ADARB1: variants seen among roughly 807,000 people sequenced by gnomAD.
ADARB1 encodes the protein double-stranded RNA-specific editase 1.
In ADARB1, 10 loss-of-function variants were observed where a neutral mutation model predicts 52.4. The ratio of observed to expected loss-of-function variants is 0.19; its 90% confidence interval spans 0.12 to 0.32. The LOEUF (loss-of-function observed/expected upper bound fraction) is 0.32. Ranked by LOEUF, ADARB1 falls within the 10% of genes least tolerant of loss-of-function variation. The pLI, the probability that ADARB1 is intolerant of heterozygous loss-of-function variation, is 1.00. For missense variants in ADARB1, 643 were observed against 922.3 expected, an observed-to-expected ratio of 0.70 and a Z score of 3.92; for synonymous variants, 349 against 371.1, an observed-to-expected ratio of 0.94 and a Z score of 0.68.
chr21:45,143,381 C>T (rs1263463041), intron 2 of ADARB1, among the ~76,000 whole-genome samples: 1 of 152,246 alleles, frequency 6.6e-6, no homozygotes, highest in Non-Finnish European at 1.5e-5. Context: ...GCAGCTCCTT[C>T]CTTCCAGGCT....
chr21:45,176,098 C>T lies in ADARB1; in HGVS notation c.397C>T (p.His133Tyr), dbSNP rs771605100. The change falls in exon 4 of 11, where the codon CAT becomes TAT. Residue 133 changes from histidine to tyrosine, a missense_variant. This residue lies in a region of ADARB1 where 380 missense variants were observed against 446.5 expected (regional missense o/e 0.85). Transcript: ENST00000348831. This position sits in a 1 kb window ranked among gnomAD's most constrained non-coding sequence, Gnocchi z 5.8. Reference sequence around the variant, plus strand: ...TCCCACAAAGAAAAAGGCAAAACTCCATGCTGCTGAGAAGGCCTTGAGGTC... The same window carrying T: ...TCCCACAAAGAAAAAGGCAAAACTCTATGCTGCTGAGAAGGCCTTGAGGTC... ...SGPTKKKAKL[H>Y]AAEKALRSFV... 2.5e-6 allele frequency: 4 copies of T among 1,613,832 alleles called. No homozygotes were observed. The African/African-American group carries it at 5.3e-5, about 22-fold the overall frequency.
intron 8 of ADARB1, among the ~76,000 whole-genome samples, chr21:45,199,181 C>T (rs540886181): frequency 6.6e-6 from 1 of 152,296 alleles, no homozygotes; most frequent in East Asian, 1.9e-4. Flanking sequence ...CTGGTGGCTC[C>T]ATGGTCTGGA....
chr21:45,095,684 G>C (rs559257999), intron 1 of ADARB1, among the ~76,000 whole-genome samples: 1 of 152,170 alleles, frequency 6.6e-6, no homozygotes, highest in Non-Finnish European at 1.5e-5. Flanking sequence ...GCTGAGAGGT[G>C]GTGAGGCAGG....
chr21:45,184,790 T>C, intron 7 of ADARB1, 133 bp from the exon 8 acceptor site: 2 of 1,020,184 alleles, frequency 2.0e-6, no homozygotes, highest in Non-Finnish European at 2.9e-6. Flanking sequence ...GTATTTTGTA[T>C]GTATGGCATA....
intron 1 of ADARB1, among the ~76,000 whole-genome samples, chr21:45,094,244 A>G (rs1014830259): frequency 1.3e-5 from 2 of 152,136 alleles, no homozygotes; most frequent in South Asian, 2.1e-4. Flanking sequence ...CGTGTACCCA[A>G]TTAGAGCTCT....
intron 2 of ADARB1, among the ~76,000 whole-genome samples, chr21:45,132,978 C>A (rs572368080): frequency 6.6e-6 from 1 of 152,332 alleles, no homozygotes; most frequent in African/African-American, 2.4e-5. Flanking sequence ...GTCAGCGTTT[C>A]CCTGCCAGCT....
chr21:45,192,867 C>T (rs532622696), intron 8 of ADARB1, among the ~76,000 whole-genome samples: 5 of 152,226 alleles, frequency 3.3e-5, no homozygotes, highest in Admixed American at 3.3e-4. Context: ...ACACATACTA[C>T]CAAAGCTCAC....
At chr21:45,134,008 G>T (rs530539651) in intron 2 of ADARB1, among the ~76,000 whole-genome samples, 2 of 131,820 alleles carry the variant, frequency 1.5e-5, no homozygotes, top group Non-Finnish European at 3.2e-5. Context: ...CGCCCGACGG[G>T]TGTGTGTGCC....
intron 1 of ADARB1, among the ~76,000 whole-genome samples, chr21:45,118,110 A>G (rs2087932342): frequency 1.3e-5 from 2 of 152,252 alleles, no homozygotes; most frequent in East Asian, 1.9e-4. Context: ...TTATGATAGT[A>G]TATTTTGCCA....
intron 2 of ADARB1, among the ~76,000 whole-genome samples, chr21:45,140,115 G>C (rs767551534): frequency 6.6e-6 from 1 of 151,652 alleles, no homozygotes; most frequent in Admixed American, 6.6e-5. Flanking sequence ...GGCTAATTTT[G>C]TATTTTTAGT....
rs115131842 is a variant in ADARB1 at position 45,123,377 on chromosome 21, C to T, written c.-219-5025C>T. Among the ~76,000 whole-genome samples, 792 of 152,266 alleles carry T rather than the reference C, an allele frequency of 5.2e-3. 6 individuals are homozygous for T. The highest frequency in any genetic ancestry group is 0.018 in the African/African-American group (758 of 41,546). ...AGAATGCAGTGGTGTGATCACAGTTCTCTGCAGTCTCAACTTCCTAGGCAT... is the reference window on the plus strand; with the variant it reads ...AGAATGCAGTGGTGTGATCACAGTTTTCTGCAGTCTCAACTTCCTAGGCAT... On this transcript the variant is annotated intron_variant, in intron 1 of 10. Coordinates refer to ENST00000348831, the MANE Select transcript of ADARB1 (RefSeq NM_001112.4).
At chr21:45,175,245 A>G (rs1029645783) in intron 3 of ADARB1, among the ~76,000 whole-genome samples, 27 of 152,208 alleles carry the variant, frequency 1.8e-4, no homozygotes, top group African/African-American at 6.3e-4. Flanking sequence ...CTTCTGAGAG[A>G]CGCTGCAATT....
chr21:45,103,708 A>G (rs387536), intron 1 of ADARB1, among the ~76,000 whole-genome samples: 145,349 of 152,188 alleles, frequency 0.96, 69,439 homozygotes, highest in East Asian at 0.98. Flanking sequence ...GTATTAAACC[A>G]TGCTCATGTA....
chr21:45,216,115 G>C (rs1224745527), intron 9 of ADARB1, among the ~76,000 whole-genome samples: 3 of 152,036 alleles, frequency 2.0e-5, no homozygotes, highest in African/African-American at 7.2e-5. Flanking sequence ...TGGCATAAAA[G>C]CATTCAGAAT....
intron 1 of ADARB1, among the ~76,000 whole-genome samples, chr21:45,099,274 C>T (rs188488125): frequency 1.3e-5 from 2 of 152,272 alleles, no homozygotes; most frequent in East Asian, 3.9e-4. Flanking sequence ...TTTCATTATT[C>T]CTTTAATGAA....
intron 8 of ADARB1, among the ~76,000 whole-genome samples, chr21:45,196,776 A>C (rs1413056981): frequency 6.6e-6 from 1 of 152,252 alleles, no homozygotes; most frequent in Non-Finnish European, 1.5e-5. Flanking sequence ...GAGATGCCAC[A>C]ACACATCTCT....
At position 45,176,138 on chromosome 21, in the gene ADARB1, C is replaced by T; in HGVS notation, c.437C>T (p.Pro146Leu). The part of the protein sequence containing the change: ...EKALRSFVQF[P>L]NASEAHLAMG... ...GCCTTGAGGTCTTTCGTTCAGTTTCCTAATGCCTCTGAGGCCCACCTGGCC... is the reference window on the plus strand; with the variant it reads ...GCCTTGAGGTCTTTCGTTCAGTTTCTTAATGCCTCTGAGGCCCACCTGGCC... The change falls in exon 4 of 11, where the codon CCT becomes CTT. Residue 146 changes from proline (P) to leucine (L), a missense_variant. By Grantham distance (98) the Pro-to-Leu change is moderately conservative. This residue lies in a region of ADARB1 where 380 missense variants were observed against 446.5 expected (regional missense o/e 0.85). Coordinates refer to ENST00000348831, the MANE Select transcript of ADARB1 (RefSeq NM_001112.4). The surrounding 1 kb of genome is among the most constrained non-coding windows in gnomAD (Gnocchi z 5.8). 6.2e-7 allele frequency: 1 copy of T among 1,614,162 alleles called. No homozygotes were observed. The highest frequency in any genetic ancestry group is 1.1e-5 in the South Asian group (1 of 91,078).
At chr21:45,080,956 C>G (rs943646355) in intron 1 of ADARB1, among the ~76,000 whole-genome samples, 3 of 152,208 alleles carry the variant, frequency 2.0e-5, no homozygotes, top group Admixed American at 6.5e-5. Flanking sequence ...ATCTTAATTG[C>G]ATGAGTTTTG....
chr21:45,166,578 A>G (rs1207823094), intron 2 of ADARB1, among the ~76,000 whole-genome samples: 1 of 152,226 alleles, frequency 6.6e-6, no homozygotes, highest in African/African-American at 2.4e-5. Context: ...GTGTTGCGTT[A>G]GGCACTGAGG....
Sources: gnomAD v4.1 joint callset for allele counts (sites outside exome capture counted in the v4.1 genomes callset) on GRCh38, gnomAD v4.1.1 for gene constraint, gnomAD v4.1.1 regional missense constraint, Gnocchi (gnomAD v3.1) non-coding constraint, MANE v1.5 for transcripts, NCBI Gene and HGNC (gene_info 2026-07-23, HGNC 2026-07-21) for gene names.